Variants in C12orf42 observed in about 807,000 individuals in gnomAD.
The protein encoded by C12orf42 is chromosome 12 open reading frame 42.
In C12orf42, 25 loss-of-function variants were observed where a neutral mutation model predicts 21.6. The observed-to-expected ratio is 1.16, with a 90% CI of 0.84 to 1.62. C12orf42 has a LOEUF of 1.62. Among genes scored for constraint, C12orf42 ranks in the 40% most tolerant of loss-of-function variants. The pLI is 0.00. For synonymous variants in C12orf42, 174 were observed against 175.0 expected (o/e 0.99, Z 0.05); for missense variants, 483 against 459.3 (o/e 1.05, Z -0.47).
At chr12:103,442,265 G>T (rs1242020995) in intron 2 of C12orf42, among the ~76,000 whole-genome samples, 1 of 152,148 alleles carries the variant, frequency 6.6e-6, no homozygotes, top group Non-Finnish European at 1.5e-5. Flanking sequence ...TTCATGCATG[G>T]CTGTTATTTC....
intron 4 of C12orf42, among the ~76,000 whole-genome samples, chr12:103,348,208 T>C (rs2042802430): frequency 1.3e-5 from 2 of 152,208 alleles, no homozygotes; most frequent in African/African-American, 4.8e-5. Context: ...ATGACAGTTG[T>C]ACAGTCTATC....
chr12:103,298,727 G>A (rs1470001839), downstream of C12orf42, among the ~76,000 whole-genome samples: 1 of 152,136 alleles, frequency 6.6e-6, no homozygotes, highest in Non-Finnish European at 1.5e-5. Context: ...CAGTACCTTA[G>A]CTTTTTCCTT....
intron 3 of C12orf42, among the ~76,000 whole-genome samples, chr12:103,398,996 G>A (rs1451810848): frequency 6.6e-6 from 1 of 151,832 alleles, no homozygotes; most frequent in African/African-American, 2.4e-5. Flanking sequence ...ATACTATGAT[G>A]GACTTCTCAT....
At chr12:103,057,623 C>A in the C12orf42 span, among the ~76,000 whole-genome samples, 1 of 152,116 alleles carries the variant, frequency 6.6e-6, no homozygotes, top group South Asian at 2.1e-4. Flanking sequence ...TGGGTTGGTT[C>A]CAAGTCTTTG....
chr12:103,303,025 A>T (rs538939390), intron 5 of C12orf42, among the ~76,000 whole-genome samples: 10 of 152,280 alleles, frequency 6.6e-5, no homozygotes, highest in South Asian at 2.1e-4. Context: ...GATTTTTTTT[A>T]AATACAGGAG....
chr12:103,534,545 T>C, the C12orf42 span, among the ~76,000 whole-genome samples: 1 of 152,132 alleles, frequency 6.6e-6, no homozygotes, highest in African/African-American at 2.4e-5. Flanking sequence ...CCACAAATAC[T>C]TACTTCACAT....
the C12orf42 span, among the ~76,000 whole-genome samples, chr12:103,160,777 T>G: frequency 6.6e-6 from 1 of 152,204 alleles, no homozygotes; most frequent in East Asian, 1.9e-4. Flanking sequence ...ACAACTAAAC[T>G]GTGACCCTGG....
the C12orf42 span, among the ~76,000 whole-genome samples, chr12:103,096,079 A>G: frequency 6.6e-6 from 1 of 152,140 alleles, no homozygotes; most frequent in African/African-American, 2.4e-5. Flanking sequence ...TTCTAGCTCA[A>G]AGTAGTTCAT....
chr12:103,220,928 AACTG>A, the C12orf42 span, among the ~76,000 whole-genome samples: 4 of 152,210 alleles, frequency 2.6e-5, no homozygotes, highest in Admixed American at 2.0e-4. Flanking sequence ...TCTAATCTCT[AACTG>A]ACTATTTATC....
the C12orf42 span, among the ~76,000 whole-genome samples, chr12:103,225,198 T>C: frequency 6.6e-6 from 1 of 152,150 alleles, no homozygotes; most frequent in South Asian, 2.1e-4. Context: ...GAGGAAGTTA[T>C]TGAGGACAAA....
At chr12:103,175,169 A>G in the C12orf42 span, among the ~76,000 whole-genome samples, 1 of 152,306 alleles carries the variant, frequency 6.6e-6, no homozygotes, top group South Asian at 2.1e-4. Flanking sequence ...ATTATGGAGT[A>G]AAGAGAAATA....
the C12orf42 span, among the ~76,000 whole-genome samples, chr12:103,118,626 G>A: frequency 2.8e-4 from 43 of 151,840 alleles, no homozygotes; most frequent in South Asian, 1.7e-3. Flanking sequence ...GTGAAACCCC[G>A]TCTCTACTAA....
intron 2 of C12orf42, among the ~76,000 whole-genome samples, chr12:103,440,457 C>CAAAAAAAAAAAAAAAAAA: frequency 1.4e-5 from 1 of 69,666 alleles, no homozygotes; most frequent in East Asian, 5.1e-4. Flanking sequence ...TCACAGATAC[C>CAAAAAAAAAAAAAAAAAA]AAAAAAAAAA....
the C12orf42 span, among the ~76,000 whole-genome samples, chr12:103,506,508 T>C: frequency 5.9e-5 from 9 of 151,936 alleles, no homozygotes; most frequent in Non-Finnish European, 1.2e-4. Context: ...TGTTTAGATA[T>C]GTTTGAATAC....
chr12:103,319,109 GAT>G (rs773411738), intron 4 of C12orf42, among the ~76,000 whole-genome samples: 7 of 152,076 alleles, frequency 4.6e-5, no homozygotes, highest in Non-Finnish European at 1.0e-4. Flanking sequence ...TTTTAAACAT[GAT>G]ATTAAGATGG....
chr12:103,333,765 A>G (rs1245271018), intron 4 of C12orf42, among the ~76,000 whole-genome samples: 2 of 152,204 alleles, frequency 1.3e-5, no homozygotes, highest in Non-Finnish European at 2.9e-5. Flanking sequence ...TAATTCTTCA[A>G]TCAAGCCACT....
intron 4 of C12orf42, among the ~76,000 whole-genome samples, chr12:103,286,446 T>TA (rs1370523831): frequency 1.3e-5 from 2 of 151,716 alleles, no homozygotes; most frequent in Non-Finnish European, 2.9e-5. Context: ...GAATTATATT[T>TA]ACACCCACTA....
chr12:103,221,860 C>T, the C12orf42 span, among the ~76,000 whole-genome samples: 1 of 152,168 alleles, frequency 6.6e-6, no homozygotes, highest in African/African-American at 2.4e-5. Flanking sequence ...CTGAGGGACA[C>T]CTGCCCAATT....
At chr12:103,151,743 A>T in the C12orf42 span, 1 of 152,230 alleles carries the variant, frequency 6.6e-6, no homozygotes, top group East Asian at 1.9e-4. Flanking sequence ...TAGATACATT[A>T]GTTAATAAAG....
Sources: allele counts gnomAD v4.1 joint callset (sites outside exome capture counted in the v4.1 genomes callset), GRCh38; gene constraint gnomAD v4.1.1; transcripts MANE v1.5; gene names NCBI Gene and HGNC (gene_info 2026-07-23, HGNC 2026-07-21).